The following NPAS3 variants were observed in gnomAD, a reference collection of about 807,000 sequenced individuals.
The protein encoded by NPAS3 is neuronal PAS domain protein 3.
NPAS3 carries 14 observed loss-of-function variants against 73.1 expected under a neutral mutation model. The ratio of observed to expected loss-of-function variants is 0.19; its 90% CI spans 0.13 to 0.30. The LOEUF (loss-of-function observed/expected upper bound fraction) is 0.30, where lower values mean the gene tolerates loss of function less well. NPAS3 is among the 10% of genes least tolerant of loss of function. NPAS3 has a pLI of 1.00. For missense variants in NPAS3, 1,096 were observed against 1,250.0 expected (o/e 0.88, Z 1.86); for synonymous variants, 620 against 541.5 (o/e 1.14, Z -2.01).
chr14:33,702,785 C>G (rs1249891431), intron 6 of NPAS3, among the ~76,000 whole-genome samples: 1 of 152,114 alleles, frequency 6.6e-6, no homozygotes, highest in Non-Finnish European at 1.5e-5. Context: ...AGAATCAGCT[C>G]CCTGAATGGC....
At chr14:33,138,879 T>C (rs921171565) in intron 2 of NPAS3, among the ~76,000 whole-genome samples, 1 of 152,230 alleles carries the variant, frequency 6.6e-6, no homozygotes, top group Non-Finnish European at 1.5e-5. Flanking sequence ...TTAGAATATA[T>C]TCTGTCGTGA....
At chr14:33,109,810 C>CTTTT (rs67439887) in intron 2 of NPAS3, among the ~76,000 whole-genome samples, 896 of 86,942 alleles carry the variant, frequency 0.01, 49 homozygotes, top group East Asian at 0.018. Flanking sequence ...ATTTGCATGT[C>CTTTT]TTTTTTTTTT....
chr14:33,553,056 G>A (rs2055193310), intron 4 of NPAS3, among the ~76,000 whole-genome samples: 1 of 152,186 alleles, frequency 6.6e-6, no homozygotes, highest in Admixed American at 6.5e-5. Context: ...GTTCCTCTGG[G>A]ACAAACCAGA....
At chr14:33,533,930 A>C (rs116460265) in intron 4 of NPAS3, among the ~76,000 whole-genome samples, 1 of 152,154 alleles carries the variant, frequency 6.6e-6, no homozygotes, top group Admixed American at 6.6e-5. Flanking sequence ...ACAAGTGAAC[A>C]GGTATTTCCC....
intron 2 of NPAS3, among the ~76,000 whole-genome samples, chr14:33,063,033 C>A (rs1339119362): frequency 6.6e-6 from 1 of 152,136 alleles, no homozygotes; most frequent in Non-Finnish European, 1.5e-5. Flanking sequence ...GTGGTTAAAT[C>A]TCTTGGAAAT....
chr14:33,735,283 A>T, exon 7 of NPAS3: 1 of 1,613,686 alleles, frequency 6.2e-7, no homozygotes, highest in Non-Finnish European at 8.5e-7. Context: ...ATCCGAATGA[A>T]ATCTACTCTG....
intron 5 of NPAS3, among the ~76,000 whole-genome samples, chr14:33,638,111 A>C (rs2058575292): frequency 6.6e-6 from 1 of 152,240 alleles, no homozygotes; most frequent in Admixed American, 6.5e-5. Flanking sequence ...GGTCTATCAA[A>C]GAAATTATAG....
At chr14:33,555,684 A>G (rs551939666) in intron 4 of NPAS3, among the ~76,000 whole-genome samples, 1 of 152,336 alleles carries the variant, frequency 6.6e-6, no homozygotes, top group South Asian at 2.1e-4. Flanking sequence ...CAGCTACCTT[A>G]TAGCAGAGAC....
intron 4 of NPAS3, among the ~76,000 whole-genome samples, chr14:33,444,048 AT>A (rs1157305661): frequency 6.6e-6 from 1 of 152,138 alleles, no homozygotes; most frequent in Non-Finnish European, 1.5e-5. Context: ...ATTTTTTTCC[AT>A]TTTAGTAGAA....
intron 3 of NPAS3, among the ~76,000 whole-genome samples, chr14:33,300,508 C>T (rs1009867): frequency 0.77 from 117,222 of 152,182 alleles, 45,554 homozygotes; most frequent in African/African-American, 0.82. Flanking sequence ...GCAAAGTGTA[C>T]TCCACTTTAA....
chr14:33,585,231 G>A (rs2139906224), intron 5 of NPAS3, among the ~76,000 whole-genome samples: 1 of 152,206 alleles, frequency 6.6e-6, no homozygotes, highest in Middle Eastern at 3.4e-3. Flanking sequence ...AGGTGGCCAT[G>A]GCGAAACTTA....
chr14:33,300,890 A>G (rs2042502495), intron 3 of NPAS3, among the ~76,000 whole-genome samples: 1 of 152,112 alleles, frequency 6.6e-6, no homozygotes, highest in Admixed American at 6.5e-5. Context: ...TGAGTCCCCC[A>G]GCACCCCTCA....
chr14:33,197,762 A>G (rs9322921), intron 2 of NPAS3, among the ~76,000 whole-genome samples: 32,147 of 152,160 alleles, frequency 0.21, 3,852 homozygotes, highest in South Asian at 0.38. Flanking sequence ...GTGATTTGTA[A>G]GTATCCTGCC....
At chr14:33,487,952 A>T (rs1415337620) in intron 4 of NPAS3, among the ~76,000 whole-genome samples, 1 of 152,188 alleles carries the variant, frequency 6.6e-6, no homozygotes, top group East Asian at 1.9e-4. Flanking sequence ...CTACAAGTGT[A>T]TATTTGTTGA....
In NPAS3 at chr14:33,374,492, T is replaced by TA. The variant is rs1555383792; in HGVS notation, c.468+7233dup. ...TTCTCTATCTACCAGAAGTTTTTTT[T>TA]AAAAAAAAATCAGGTTGATGTAATA... On this transcript the variant is annotated intron_variant, in intron 4 of 11. Transcript: ENST00000356141. Among the ~76,000 whole-genome samples, 638 of 151,520 alleles carry TA rather than the reference T, an allele frequency of 4.2e-3. 4 individuals carry two copies. The highest frequency in any genetic ancestry group is 0.014 in the African/African-American group (578 of 41,346).
intron 5 of NPAS3, among the ~76,000 whole-genome samples, chr14:33,673,100 A>C (rs1240581674): frequency 6.6e-6 from 1 of 152,226 alleles, no homozygotes; most frequent in African/African-American, 2.4e-5. Flanking sequence ...AAGCATCTCC[A>C]GCTCCAGGGG....
intron 2 of NPAS3, among the ~76,000 whole-genome samples, chr14:33,130,755 C>T (rs2043606702): frequency 6.6e-6 from 1 of 152,084 alleles, no homozygotes; most frequent in South Asian, 2.1e-4. Flanking sequence ...TATTTTTATT[C>T]AGGTTCTTCA....
chr14:33,701,529 C>G (rs2060523005), intron 6 of NPAS3, among the ~76,000 whole-genome samples: 1 of 152,140 alleles, frequency 6.6e-6, no homozygotes. Flanking sequence ...TCAGTAGAAT[C>G]CTTCATTAGT....
chr14:33,716,686 C>T (rs1379327998), intron 6 of NPAS3, among the ~76,000 whole-genome samples: 2 of 152,018 alleles, frequency 1.3e-5, no homozygotes, highest in Non-Finnish European at 2.9e-5. Context: ...ATGAGTTTGC[C>T]TGTTCTAGAT....
Sources: gnomAD v4.1 joint callset for allele counts (sites outside exome capture counted in the v4.1 genomes callset) on GRCh38, gnomAD v4.1.1 for gene constraint, MANE v1.5 for transcripts, NCBI Gene and HGNC (gene_info 2026-07-23, HGNC 2026-07-21) for gene names.